TMEM132C: variants seen among roughly 807,000 people sequenced by gnomAD.
TMEM132C encodes the protein protein phosphatase 1, regulatory subunit 152.
Under a neutral mutation model 61.4 loss-of-function variants are expected in TMEM132C, and 29 were observed. The ratio of observed to expected loss-of-function variants is 0.47; its 90% confidence interval spans 0.35 to 0.64. The LOEUF (loss-of-function observed/expected upper bound fraction) is 0.64. Among genes scored for constraint, TMEM132C ranks in the 30% least tolerant of loss-of-function variants. The pLI, the probability that TMEM132C is intolerant of heterozygous loss-of-function variation, is 0.00. For synonymous variants in TMEM132C, 656 were observed against 633.1 expected (o/e 1.04, Z -0.54); for missense variants, 1,408 against 1,476.9 (o/e 0.95, Z 0.76).
At chr12:128,272,113 C>T (rs1162161354) in intron 1 of TMEM132C, among the ~76,000 whole-genome samples, 4 of 152,194 alleles carry the variant, frequency 2.6e-5, no homozygotes, top group Non-Finnish European at 4.4e-5. Context: ...CACACAGTCA[C>T]GTAAACATCA....
chr12:128,667,978 T>C (rs1416099482), intron 4 of TMEM132C, among the ~76,000 whole-genome samples: 2 of 152,160 alleles, frequency 1.3e-5, no homozygotes, highest in African/African-American at 4.8e-5. Flanking sequence ...CTTCATTTTT[T>C]AAAAAATGAA....
intron 2 of TMEM132C, among the ~76,000 whole-genome samples, chr12:128,491,890 G>T (rs1181894209): frequency 6.7e-6 from 1 of 149,970 alleles, no homozygotes; most frequent in Non-Finnish European, 1.5e-5. Context: ...TAGGGTACAT[G>T]TGCACAACAT....
chr12:128,319,825 CA>C (rs373273389), intron 1 of TMEM132C, among the ~76,000 whole-genome samples: 1,425 of 127,524 alleles, frequency 0.011, 20 homozygotes, highest in African/African-American at 0.032. Context: ...GACTCCATCT[CA>C]AAAAAAAAAA....
chr12:128,459,575 C>G (rs1219423075), intron 2 of TMEM132C, among the ~76,000 whole-genome samples: 1 of 151,994 alleles, frequency 6.6e-6, no homozygotes, highest in Admixed American at 6.6e-5. Flanking sequence ...GACAGAAGAC[C>G]AAGTTTTGAG....
chr12:128,406,838 G>A (rs1875365050), intron 1 of TMEM132C, among the ~76,000 whole-genome samples: 1 of 152,190 alleles, frequency 6.6e-6, no homozygotes, highest in Non-Finnish European at 1.5e-5. Context: ...CTGTTGCCAA[G>A]TGGACCAGAA....
chr12:128,447,705 CTTTTTTTTTTTTTTT>C (rs767506039), intron 2 of TMEM132C, among the ~76,000 whole-genome samples: 3 of 58,620 alleles, frequency 5.1e-5, no homozygotes, highest in African/African-American at 1.7e-4. Context: ...ATTTCAAGTG[CTTTTTTTTTTTTTTT>C]TTTTTTTTTT....
intron 2 of TMEM132C, among the ~76,000 whole-genome samples, chr12:128,445,295 A>G (rs1389347210): frequency 6.6e-6 from 1 of 152,206 alleles, no homozygotes; most frequent in Non-Finnish European, 1.5e-5. Flanking sequence ...TGAATTGAAC[A>G]AAGCAACATT....
chr12:128,399,201 T>A (rs1875063069), intron 1 of TMEM132C, among the ~76,000 whole-genome samples: 1 of 152,168 alleles, frequency 6.6e-6, no homozygotes, highest in Admixed American at 6.5e-5. Flanking sequence ...ACACACAAGT[T>A]TTTAAAAATT....
At chr12:128,391,857 G>A (rs1447479402) in intron 1 of TMEM132C, among the ~76,000 whole-genome samples, 1 of 152,154 alleles carries the variant, frequency 6.6e-6, no homozygotes, top group African/African-American at 2.4e-5. Flanking sequence ...CCTGCCGTCT[G>A]CTTTTATATG....
rs138491400 is a variant in TMEM132C, at chr12:128,296,572, C to T, written c.85+29085C>T. Among the ~76,000 whole-genome samples, 319 of 152,322 alleles carry T rather than the reference C, an allele frequency of 2.1e-3. 3 individuals are homozygous for T. The highest frequency in any genetic ancestry group is 7.2e-3 in the African/African-American group (298 of 41,578). ...TTAATTTCCTCTCTGTCTTTCCTCTCTGTCTTTCTGGTCATATTTAGAGCA... is the reference window on the plus strand; with the variant it reads ...TTAATTTCCTCTCTGTCTTTCCTCTTTGTCTTTCTGGTCATATTTAGAGCA... On this transcript the variant is annotated intron_variant, in intron 1 of 8. Transcript: ENST00000435159.
At chr12:128,275,936 C>T (rs1248898964) in intron 1 of TMEM132C, among the ~76,000 whole-genome samples, 2 of 152,142 alleles carry the variant, frequency 1.3e-5, no homozygotes, top group African/African-American at 2.4e-5. Context: ...TCTCTTGGCT[C>T]CTGGTGCTCT....
At chr12:128,392,293 G>A (rs1308463386) in intron 1 of TMEM132C, among the ~76,000 whole-genome samples, 1 of 152,214 alleles carries the variant, frequency 6.6e-6, no homozygotes, top group Non-Finnish European at 1.5e-5. Flanking sequence ...GTTTACAAGT[G>A]AGGAACTGCA....
At chr12:128,460,778 C>T (rs191007276) in intron 2 of TMEM132C, among the ~76,000 whole-genome samples, 1 of 152,156 alleles carries the variant, frequency 6.6e-6, no homozygotes, top group Non-Finnish European at 1.5e-5. Context: ...CCGCAGGACT[C>T]CACTCTTGGC....
intron 2 of TMEM132C, among the ~76,000 whole-genome samples, chr12:128,450,330 CA>C (rs1870136015): frequency 6.6e-6 from 1 of 152,072 alleles, no homozygotes; most frequent in African/African-American, 2.4e-5. Flanking sequence ...TGTTCAAGGT[CA>C]AAAATAAATG....
intron 3 of TMEM132C, among the ~76,000 whole-genome samples, chr12:128,559,848 CT>C (rs1874452948): frequency 6.6e-6 from 1 of 152,238 alleles, no homozygotes; most frequent in African/African-American, 2.4e-5. Flanking sequence ...CAGGCTGTAC[CT>C]TGTGTCTTCT....
chr12:128,676,251 C>CT (rs909719738), intron 5 of TMEM132C, among the ~76,000 whole-genome samples: 11 of 151,398 alleles, frequency 7.3e-5, no homozygotes, highest in Non-Finnish European at 1.2e-4. Flanking sequence ...AAATACAGTC[C>CT]TTTTTTTTTA....
At chr12:128,557,863 A>G (rs1451520497) in intron 3 of TMEM132C, among the ~76,000 whole-genome samples, 1 of 152,216 alleles carries the variant, frequency 6.6e-6, no homozygotes, top group Non-Finnish European at 1.5e-5. Context: ...TCAGAGGTCA[A>G]GTGTTTGCTG....
intron 1 of TMEM132C, among the ~76,000 whole-genome samples, chr12:128,276,894 G>GCACACACA (rs71069547): frequency 1.2e-3 from 179 of 150,034 alleles, no homozygotes; most frequent in Middle Eastern, 6.8e-3. Context: ...GTGCGTGCAT[G>GCACACACA]CACACACACA....
chr12:128,382,955 T>A (rs1874452520), intron 1 of TMEM132C, among the ~76,000 whole-genome samples: 1 of 151,330 alleles, frequency 6.6e-6, no homozygotes, highest in Non-Finnish European at 1.5e-5. Flanking sequence ...TGTGTGTGTA[T>A]GTATGTGTGT....
Sources: gnomAD v4.1 joint callset for allele counts (sites outside exome capture counted in the v4.1 genomes callset) on GRCh38, gnomAD v4.1.1 for gene constraint, MANE v1.5 for transcripts, NCBI Gene and HGNC (gene_info 2026-07-23, HGNC 2026-07-21) for gene names.